The following WDR19 variants were observed in gnomAD, a reference collection of about 807,000 sequenced individuals.
WDR19 encodes the protein WD repeat domain 19.
Under a neutral mutation model 180.0 loss-of-function variants are expected in WDR19, and 121 were observed. The ratio of observed to expected loss-of-function variants is 0.67; its 90% CI spans 0.58 to 0.78. WDR19 has a LOEUF of 0.78. WDR19 is among the 30% of genes least tolerant of loss of function. The pLI is 0.00. For missense variants in WDR19, 1,450 were observed against 1,640.7 expected (o/e 0.88, Z 2.01); for synonymous variants, 497 against 540.7 (o/e 0.92, Z 1.12).
chr4:39,206,291 TTTTG>T (rs1381241519), intron 9 of WDR19, among the ~76,000 whole-genome samples: 1 of 152,180 alleles, frequency 6.6e-6, no homozygotes, highest in African/African-American at 2.4e-5. Flanking sequence ...CTTTTTCTTT[TTTTG>T]TTCTTTGTTC....
chr4:39,213,471 C>T (rs971305341), intron 9 of WDR19, among the ~76,000 whole-genome samples: 1 of 152,132 alleles, frequency 6.6e-6, no homozygotes, highest in African/African-American at 2.4e-5. Context: ...AAGCCAGTCT[C>T]AACAGGTTGC....
At chr4:39,257,646 C>A in intron 28 of WDR19, 92 bp downstream of exon 28, 1 of 1,197,036 alleles carries the variant, frequency 8.4e-7, no homozygotes, top group Non-Finnish European at 1.2e-6. Context: ...GTAGACCAAA[C>A]AGTATTACAA....
chr4:39,211,983 G>GAT lies in WDR19; in HGVS notation c.891-2617_891-2616insTA, dbSNP rs1407382781. 1.2e-3 allele frequency among the ~76,000 whole-genome samples: 174 copies of GAT among 144,574 alleles called. 3 individuals are homozygous for GAT. Among genetic ancestry groups the GAT allele is most frequent in the African/African-American group, 4.3e-3 (168 of 38,924 alleles). The allele number at this position is 144,574 out of a possible 152,430, so 94.8% of individuals were successfully genotyped here. On this transcript the variant is annotated intron_variant, in intron 9 of 36. Transcript: ENST00000399820. ...AGAGAGAGAGAGAGAGAGAGAGAGAGAGATAGATAGATGTAGATAGGCACA... is the reference window on the plus strand; with the variant it reads ...AGAGAGAGAGAGAGAGAGAGAGAGAGATAGATAGATAGATGTAGATAGGCACA...
At chr4:39,246,526 C>T (rs905273111) in intron 24 of WDR19, among the ~76,000 whole-genome samples, 49 of 152,216 alleles carry the variant, frequency 3.2e-4, no homozygotes, top group African/African-American at 1.2e-3. Flanking sequence ...GGGTGCAGCG[C>T]ACCGTGTGTA....
Position 39,285,768 on chromosome 4 carries a change from CTT to C in WDR19, c.*298_*299del, listed in dbSNP as rs1737143590. 2 of 152,236 alleles carry C rather than the reference CTT, an allele frequency of 1.3e-5. No homozygotes were observed. Among genetic ancestry groups the C allele is most frequent in the East Asian group, 3.9e-4 (2 of 5,192 alleles). 9.4% of individuals were successfully genotyped at this position (152,236 alleles called of 1,614,324 possible). On this transcript the variant is annotated 3_prime_UTR_variant, in exon 37 of 37. Transcript: ENST00000399820. ...TTGTAAATATTCAGCTTTTTGCTAA[CTT>C]TTGTATTTTGAAAAACTTTAAAATA...
intron 4 of WDR19, among the ~76,000 whole-genome samples, chr4:39,190,309 T>TC (rs1440076660): frequency 6.6e-6 from 1 of 152,120 alleles, no homozygotes; most frequent in Non-Finnish European, 1.5e-5. Flanking sequence ...GGATTGGTAC[T>TC]CCCACCAAGT....
At chr4:39,253,393 G>T in intron 25 of WDR19, 101 bp downstream of exon 25, 1 of 1,339,120 alleles carries the variant, frequency 7.5e-7, no homozygotes, top group East Asian at 2.5e-5. Flanking sequence ...GGAATATTTA[G>T]TCTTTATTTT....
chr4:39,225,064 T>G, intron 15 of WDR19, 31 bp downstream of exon 15: 1 of 1,479,422 alleles, frequency 6.8e-7, no homozygotes, highest in Non-Finnish European at 9.0e-7. Flanking sequence ...AATGTTTATT[T>G]TTTGAAATGC....
chr4:39,217,814 C>T (rs1250045913), intron 13 of WDR19, among the ~76,000 whole-genome samples, 169 bp from the exon 14 acceptor site: 3 of 152,200 alleles, frequency 2.0e-5, no homozygotes, highest in Non-Finnish European at 4.4e-5. Flanking sequence ...TCTGTGCTAC[C>T]TTGCTGGCAA....
intron 19 of WDR19, 113 bp downstream of exon 19, chr4:39,232,385 G>A: frequency 1.2e-6 from 1 of 849,392 alleles, no homozygotes; most frequent in Non-Finnish European, 1.8e-6. Context: ...AGCACTTTGG[G>A]AGGCCAAGGT....
intron 14 of WDR19, among the ~76,000 whole-genome samples, chr4:39,222,176 G>A (rs1729768700): frequency 6.6e-6 from 1 of 152,136 alleles, no homozygotes; most frequent in South Asian, 2.1e-4. Context: ...ATGAACTAAT[G>A]ATGTGGCACT....
intron 20 of WDR19, 54 bp downstream of exon 20, chr4:39,234,929 T>G: frequency 8.8e-7 from 1 of 1,134,750 alleles, no homozygotes; most frequent in Non-Finnish European, 1.3e-6. Flanking sequence ...GCAAATATCT[T>G]CAGTTCGAAA....
rs1560577202 is a variant in WDR19, at chr4:39,284,667, A to ATT, written c.*14-819_*14-818dup. ...TTCTAAAAAAAAAAAAAAAAAAAAAATTCAGATTTTGTCCCAAGTTTATAA... is the reference window on the plus strand; with the variant it reads ...TTCTAAAAAAAAAAAAAAAAAAAAAATTTTCAGATTTTGTCCCAAGTTTATAA... On this transcript the variant is annotated intron_variant, in intron 36 of 36. Transcript: ENST00000399820. Among the ~76,000 whole-genome samples, 8 of 149,080 alleles carry ATT rather than the reference A, an allele frequency of 5.4e-5. No homozygotes were observed. The East Asian group carries it at 1.4e-3, about 26-fold the overall frequency.
chr4:39,204,622 T>A (rs1288747365), intron 7 of WDR19, among the ~76,000 whole-genome samples: 1 of 152,136 alleles, frequency 6.6e-6, no homozygotes, highest in African/African-American at 2.4e-5. Flanking sequence ...CATAATTACA[T>A]CCTCCACTGG....
chr4:39,264,921 GT>G (rs10647012), intron 28 of WDR19, among the ~76,000 whole-genome samples: 12 of 141,984 alleles, frequency 8.5e-5, no homozygotes, highest in African/African-American at 1.8e-4. Context: ...TGGAGATGAC[GT>G]TTTTTTTTTT....
chr4:39,279,431 C>A (rs1307232171), intron 36 of WDR19, among the ~76,000 whole-genome samples: 1 of 152,210 alleles, frequency 6.6e-6, no homozygotes, highest in Non-Finnish European at 1.5e-5. Context: ...CAGGCTATCT[C>A]CAGTATATCT....
intron 4 of WDR19, among the ~76,000 whole-genome samples, chr4:39,190,525 A>G (rs1182662397): frequency 6.6e-6 from 1 of 152,260 alleles, no homozygotes; most frequent in Non-Finnish European, 1.5e-5. Flanking sequence ...CATCTGTATG[A>G]CATGGGTATA....
At chr4:39,188,985 C>T (rs990340979) in intron 3 of WDR19, among the ~76,000 whole-genome samples, 4 of 151,828 alleles carry the variant, frequency 2.6e-5, no homozygotes, top group African/African-American at 9.7e-5. Flanking sequence ...TGCAGTGGCG[C>T]GATCTTGGCT....
chr4:39,281,090 T>C (rs1205527868), intron 36 of WDR19, among the ~76,000 whole-genome samples: 4 of 152,122 alleles, frequency 2.6e-5, no homozygotes, highest in Admixed American at 2.0e-4. Flanking sequence ...TCACACTCTG[T>C]GGCTTCCCAT....
Sources: allele counts gnomAD v4.1 joint callset (sites outside exome capture counted in the v4.1 genomes callset), GRCh38; gene constraint gnomAD v4.1.1; transcripts MANE v1.5; gene names NCBI Gene and HGNC (gene_info 2026-07-23, HGNC 2026-07-21).